PSMB7: variants seen among roughly 807,000 people sequenced by gnomAD.
PSMB7 encodes proteasome 20S subunit beta 7.
Under a neutral mutation model 28.1 loss-of-function variants are expected in PSMB7, and 5 were observed. The observed-to-expected ratio is 0.18, with a 90% CI of 0.09 to 0.37. The LOEUF (loss-of-function observed/expected upper bound fraction) is 0.37. PSMB7 is among the 10% of genes least tolerant of loss of function. The pLI, the probability that PSMB7 is intolerant of heterozygous loss-of-function variation, is 1.00. For missense variants in PSMB7, 275 were observed against 346.2 expected, an observed-to-expected ratio of 0.79 and a Z score of 1.63; for synonymous variants, 122 against 123.7, an observed-to-expected ratio of 0.99 and a Z score of 0.09.
At chr9:124,368,451 G>T (rs1830529656) in intron 6 of PSMB7, among the ~76,000 whole-genome samples, 1 of 152,152 alleles carries the variant, frequency 6.6e-6, no homozygotes, top group Non-Finnish European at 1.5e-5. Context: ...ACATCCTGAT[G>T]AATTCCTCTA....
At chr9:124,376,457 C>A (rs1830609807) in intron 6 of PSMB7, among the ~76,000 whole-genome samples, 1 of 152,108 alleles carries the variant, frequency 6.6e-6, no homozygotes, top group Non-Finnish European at 1.5e-5. Context: ...ATTACATTTA[C>A]TAACATCTCT....
intron 5 of PSMB7, among the ~76,000 whole-genome samples, chr9:124,392,792 A>G (rs1830801113): frequency 6.6e-6 from 1 of 152,164 alleles, no homozygotes; most frequent in South Asian, 2.1e-4. Flanking sequence ...CCCCAAATCA[A>G]TTTAACCAGA....
intron 4 of PSMB7, among the ~76,000 whole-genome samples, chr9:124,411,632 C>T (rs1279548402): frequency 6.6e-6 from 1 of 152,182 alleles, no homozygotes; most frequent in South Asian, 2.1e-4. Context: ...TTGAAAACTG[C>T]CAAGACCCAT....
intron 5 of PSMB7, among the ~76,000 whole-genome samples, chr9:124,387,496 C>A (rs1199814986): frequency 6.7e-6 from 1 of 150,032 alleles, no homozygotes; most frequent in Admixed American, 6.6e-5. Flanking sequence ...CATACACACA[C>A]ACACACTCTC....
At chr9:124,357,908 C>T (rs1303313400) in intron 6 of PSMB7, among the ~76,000 whole-genome samples, 1 of 152,168 alleles carries the variant, frequency 6.6e-6, no homozygotes, top group Non-Finnish European at 1.5e-5. Flanking sequence ...GAAGGACAGG[C>T]TGCACACGAG....
intron 6 of PSMB7, among the ~76,000 whole-genome samples, chr9:124,378,801 C>T (rs1830637454): frequency 6.6e-6 from 1 of 152,196 alleles, no homozygotes; most frequent in Non-Finnish European, 1.5e-5. Context: ...GCAATTTTAG[C>T]AATTTTCAAG....
rs1469163375 is a variant in PSMB7 at position 124,412,444 on chromosome 9, G to A, written c.303C>T (p.Leu101=). 6.2e-7 allele frequency: 1 copy of A among 1,614,184 alleles called. No homozygotes were observed. The highest frequency in any genetic ancestry group is 1.1e-5 in the South Asian group (1 of 91,082). Residue 101 remains leucine, a synonymous_variant, in exon 4 of 8, where the codon CTC becomes CTT. Coordinates refer to ENST00000259457, the MANE Select transcript of PSMB7 (RefSeq NM_002799.4). Reference sequence around the variant, plus strand: ...AGTGGAGCTCCAGGTTGGAAGAAATGAGCTGGGTTGTCATGTCTGTGTCTG... The same window carrying A: ...AGTGGAGCTCCAGGTTGGAAGAAATAAGCTGGGTTGTCATGTCTGTGTCTG... ...TAADTDMTTQ[L]ISSNLELHSL... is the part of the protein sequence containing the mutation.
intron 6 of PSMB7, among the ~76,000 whole-genome samples, chr9:124,377,753 G>A (rs572378396): frequency 5.3e-5 from 8 of 152,310 alleles, no homozygotes; most frequent in Middle Eastern, 3.4e-3. Context: ...TAAATCAGAC[G>A]GCTGAAGTGG....
intron 5 of PSMB7, among the ~76,000 whole-genome samples, chr9:124,390,645 T>C (rs1830774445): frequency 6.6e-6 from 1 of 152,192 alleles, no homozygotes; most frequent in Non-Finnish European, 1.5e-5. Flanking sequence ...CCTGGAAGCA[T>C]ATAAATCAAA....
At chr9:124,389,472 A>C (rs73666884) in intron 5 of PSMB7, among the ~76,000 whole-genome samples, 2,555 of 152,260 alleles carry the variant, frequency 0.017, 82 homozygotes, top group African/African-American at 0.057. Flanking sequence ...AGGTGAATGT[A>C]AGTGAGGACA....
chr9:124,371,410 A>G (rs1004608209), intron 6 of PSMB7, among the ~76,000 whole-genome samples: 1 of 152,204 alleles, frequency 6.6e-6, no homozygotes. Flanking sequence ...TTTCTAACAG[A>G]GCCTCACTTT....
intron 5 of PSMB7, among the ~76,000 whole-genome samples, chr9:124,402,665 C>A (rs566003685): frequency 2.5e-4 from 38 of 151,982 alleles, no homozygotes; most frequent in Admixed American, 4.6e-4. Context: ...GTTTGTTGAA[C>A]GTTACTGTTA....
At chr9:124,395,351 A>T (rs1213962554) in intron 5 of PSMB7, among the ~76,000 whole-genome samples, 1 of 151,902 alleles carries the variant, frequency 6.6e-6, no homozygotes. Context: ...AAAAAAAAAA[A>T]ATCAGTAGTG....
intron 3 of PSMB7, 150 bp from the exon 4 acceptor site, chr9:124,412,642 TTAAA>T (rs1831040929): frequency 4.0e-6 from 3 of 746,044 alleles, no homozygotes; most frequent in Non-Finnish European, 4.1e-6. Flanking sequence ...TTAGTCAACC[TTAAA>T]TAAACAGAAA....
chr9:124,367,718 G>A (rs191784803), intron 6 of PSMB7, among the ~76,000 whole-genome samples: 1 of 152,286 alleles, frequency 6.6e-6, no homozygotes, highest in Non-Finnish European at 1.5e-5. Flanking sequence ...CATCTGCAAA[G>A]GAGGACCTAA....
chr9:124,400,524 T>C (rs1367673149), intron 5 of PSMB7, among the ~76,000 whole-genome samples: 3 of 152,126 alleles, frequency 2.0e-5, no homozygotes, highest in Admixed American at 6.5e-5. Flanking sequence ...GCACCCACCT[T>C]CCCCATGAGG....
intron 5 of PSMB7, among the ~76,000 whole-genome samples, chr9:124,397,847 G>C (rs1451052967): frequency 6.6e-6 from 1 of 152,174 alleles, no homozygotes; most frequent in African/African-American, 2.4e-5. Flanking sequence ...TTGGTTTGTA[G>C]CTCACTCAAA....
intron 3 of PSMB7, among the ~76,000 whole-genome samples, chr9:124,413,376 G>A (rs1336965234): frequency 6.6e-6 from 1 of 151,808 alleles, no homozygotes; most frequent in Non-Finnish European, 1.5e-5. Flanking sequence ...TTGAAGGGTA[G>A]GCTTTCTATG....
chr9:124,366,890 T>G (rs1830513611), intron 6 of PSMB7, among the ~76,000 whole-genome samples: 1 of 152,214 alleles, frequency 6.6e-6, no homozygotes, highest in Non-Finnish European at 1.5e-5. Flanking sequence ...CCATAGTGTA[T>G]AGGTGTGCAG....
Sources: allele counts gnomAD v4.1 joint callset (sites outside exome capture counted in the v4.1 genomes callset), GRCh38; gene constraint gnomAD v4.1.1; transcripts MANE v1.5; gene names NCBI Gene and HGNC (gene_info 2026-07-23, HGNC 2026-07-21).